Variants in SMCO4 observed in about 807,000 individuals in gnomAD.
SMCO4 encodes the protein single-pass membrane protein with coiled-coil domains 4, also known as single-pass membrane and coiled-coil domain-containing protein 4.
In SMCO4, 4 loss-of-function variants were observed where a neutral mutation model predicts 3.6. The ratio of observed to expected loss-of-function variants is 1.11; its 90% CI spans 0.54 to 2.53. The LOEUF is 2.53. Ranked by LOEUF, SMCO4 falls within the 30% of genes most tolerant of loss-of-function variation. The probability of loss-of-function intolerance (pLI) is 0.02; values close to 1 mark genes in which losing one functional copy is unlikely to be tolerated. For missense variants in SMCO4, 70 were observed against 80.8 expected, an observed-to-expected ratio of 0.87 and a Z score of 0.51; for synonymous variants, 36 against 35.3, an observed-to-expected ratio of 1.02 and a Z score of -0.07.
upstream of SMCO4, among the ~76,000 whole-genome samples, chr11:93,548,269 G>A (rs1037457742): frequency 6.6e-5 from 10 of 152,202 alleles, no homozygotes; most frequent in African/African-American, 9.7e-5. Context: ...TCATTTGGAT[G>A]TGGGTTTTTT....
intron 1 of SMCO4, chr11:93,535,824 G>A: frequency 6.3e-7 from 1 of 1,589,762 alleles, no homozygotes; most frequent in Admixed American, 1.7e-5. Flanking sequence ...CACAGTAAAG[G>A]ACATACATTT....
the SMCO4 span, among the ~76,000 whole-genome samples, chr11:93,551,415 A>G: frequency 6.6e-6 from 1 of 151,628 alleles, no homozygotes; most frequent in Non-Finnish European, 1.5e-5. Flanking sequence ...CAAGAAGTGC[A>G]ACTTCTCGGT....
intron 2 of SMCO4, among the ~76,000 whole-genome samples, chr11:93,492,285 C>T (rs970346024): frequency 3.9e-5 from 6 of 152,154 alleles, no homozygotes; most frequent in African/African-American, 4.8e-5. Context: ...GCACCTACCA[C>T]GTGCCACAAG....
chr11:93,534,709 A>G (rs1331210901), intron 1 of SMCO4, among the ~76,000 whole-genome samples: 1 of 152,084 alleles, frequency 6.6e-6, no homozygotes, highest in Non-Finnish European at 1.5e-5. Context: ...CCTTTGAGCA[A>G]TAGGTAAAGG....
intron 2 of SMCO4, among the ~76,000 whole-genome samples, chr11:93,498,195 T>G (rs1232195019): frequency 6.6e-6 from 1 of 152,206 alleles, no homozygotes; most frequent in Non-Finnish European, 1.5e-5. Context: ...ACACCCACAA[T>G]CTATGCTTTG....
upstream of SMCO4, among the ~76,000 whole-genome samples, chr11:93,546,101 T>C (rs999336114): frequency 6.6e-6 from 1 of 152,228 alleles, no homozygotes; most frequent in Non-Finnish European, 1.5e-5. Flanking sequence ...TGGTTTGTTA[T>C]ACAGTAATAG....
intron 2 of SMCO4, among the ~76,000 whole-genome samples, chr11:93,494,773 T>TAC (rs1160876212): frequency 6.6e-6 from 1 of 152,234 alleles, no homozygotes; most frequent in Non-Finnish European, 1.5e-5. Context: ...GAAGTCTTAG[T>TAC]ACAGACCATG....
chr11:93,529,043 G>A (rs1347313912), intron 1 of SMCO4, among the ~76,000 whole-genome samples: 1 of 152,140 alleles, frequency 6.6e-6, no homozygotes, highest in Non-Finnish European at 1.5e-5. Context: ...GCTCCCACTC[G>A]TGGGCAAGGC....
At chr11:93,512,902 G>A (rs1389262794) in intron 1 of SMCO4, among the ~76,000 whole-genome samples, 3 of 152,204 alleles carry the variant, frequency 2.0e-5, no homozygotes, top group Non-Finnish European at 2.9e-5. Flanking sequence ...GCCTAACTAA[G>A]TCTGAAAGGC....
intron 1 of SMCO4, among the ~76,000 whole-genome samples, chr11:93,514,396 ATATATATATATATATATATATAT>A (rs1565382980): frequency 2.3e-5 from 2 of 85,790 alleles, no homozygotes; most frequent in Non-Finnish European, 4.4e-5. Context: ...ATATATATAT[ATATATATATATATATATATATAT>A]ATAAAATTTG....
chr11:93,515,759 G>A (rs1162854944), intron 1 of SMCO4, among the ~76,000 whole-genome samples: 1 of 152,104 alleles, frequency 6.6e-6, no homozygotes, highest in Non-Finnish European at 1.5e-5. Context: ...AGGCTCTTGG[G>A]CCTCAAGTTC....
intron 2 of SMCO4, among the ~76,000 whole-genome samples, chr11:93,496,444 G>GGTA (rs1948773332): frequency 2.0e-5 from 3 of 152,294 alleles, no homozygotes; most frequent in African/African-American, 7.2e-5. Context: ...AAGGGACTAT[G>GGTA]GTAGAAGTAG....
upstream of SMCO4, among the ~76,000 whole-genome samples, chr11:93,545,946 G>A (rs1376604898): frequency 2.0e-5 from 3 of 152,252 alleles, no homozygotes. Flanking sequence ...CCTGAGAAGA[G>A]AAAGCCTTGC....
At chr11:93,521,606 G>T (rs574586315) in intron 1 of SMCO4, among the ~76,000 whole-genome samples, 1 of 152,294 alleles carries the variant, frequency 6.6e-6, no homozygotes, top group African/African-American at 2.4e-5. Flanking sequence ...ATCACACTCG[G>T]TGTCTTTCTG....
At chr11:93,493,852 T>C (rs571414100) in intron 2 of SMCO4, among the ~76,000 whole-genome samples, 1 of 152,224 alleles carries the variant, frequency 6.6e-6, no homozygotes, top group South Asian at 2.1e-4. Flanking sequence ...TACAAGACTG[T>C]CCCTCTCGCC....
intron 1 of SMCO4, among the ~76,000 whole-genome samples, chr11:93,530,990 T>G (rs1353425641): frequency 2.0e-5 from 3 of 152,196 alleles, no homozygotes; most frequent in Middle Eastern, 3.2e-3. Context: ...TTTGCAGATA[T>G]AATATTTTAA....
At chr11:93,484,159 G>A (rs1948622358) in intron 2 of SMCO4, among the ~76,000 whole-genome samples, 1 of 152,188 alleles carries the variant, frequency 6.6e-6, no homozygotes, top group Admixed American at 6.5e-5. Context: ...GTCAGCATGG[G>A]GACACTCCAA....
chr11:93,534,367 T>TAGAG lies in SMCO4; in HGVS notation c.-154+8908_-154+8909insCTCT, dbSNP rs1400925569. On this transcript the variant is annotated intron_variant, in intron 1 of 2. Transcript: ENST00000298966. ...ATATATATACACATACATATATATATATATATATAGAGAGAGAGAGAGAGA... is the reference window on the plus strand; with the variant it reads ...ATATATATACACATACATATATATATAGAGATATATATAGAGAGAGAGAGAGAGA... 7.6e-3 allele frequency among the ~76,000 whole-genome samples: 733 copies of TAGAG among 96,230 alleles called. 15 individuals carry two copies. The highest frequency in any genetic ancestry group is 0.037 in the Middle Eastern group (6 of 164). The allele number at this position is 96,230 out of a possible 152,430, so 63.1% of individuals were successfully genotyped here.
At chr11:93,494,093 C>A (rs576931781) in intron 2 of SMCO4, among the ~76,000 whole-genome samples, 4 of 152,258 alleles carry the variant, frequency 2.6e-5, no homozygotes, top group African/African-American at 7.2e-5. Context: ...CTCCTGAGTC[C>A]TTTCGAAACC....
Sources: allele counts gnomAD v4.1 joint callset (sites outside exome capture counted in the v4.1 genomes callset), GRCh38; gene constraint gnomAD v4.1.1; transcripts MANE v1.5; gene names NCBI Gene and HGNC (gene_info 2026-07-23, HGNC 2026-07-21).